IMMP2L: variants seen among roughly 807,000 people sequenced by gnomAD.
The protein encoded by IMMP2L is inner mitochondrial membrane peptidase subunit 2, also known as mitochondrial inner membrane protease subunit 2.
Under a neutral mutation model 19.3 loss-of-function variants are expected in IMMP2L, and 18 were observed. That is an observed-to-expected ratio of 0.93 (90% CI 0.64 to 1.38). The LOEUF (loss-of-function observed/expected upper bound fraction) is 1.38, where lower values mean the gene tolerates loss of function less well. IMMP2L is among the 40% of genes most tolerant of loss of function. The pLI is 0.00. For synonymous variants in IMMP2L, 76 were observed against 73.0 expected, an observed-to-expected ratio of 1.04 and a Z score of -0.21; for missense variants, 233 against 218.2, an observed-to-expected ratio of 1.07 and a Z score of -0.43.
chr7:111,032,846 G>T (rs1790966787), intron 3 of IMMP2L, among the ~76,000 whole-genome samples: 1 of 151,722 alleles, frequency 6.6e-6, no homozygotes, highest in Non-Finnish European at 1.5e-5. Flanking sequence ...TAGGCCGGGT[G>T]TGGTGGCTCA....
intron 3 of IMMP2L, among the ~76,000 whole-genome samples, chr7:110,981,568 G>T (rs1234376650): frequency 7.0e-6 from 1 of 142,732 alleles, no homozygotes; most frequent in Non-Finnish European, 1.5e-5. Context: ...CTTTTTATTT[G>T]AAAAAAAAAA....
chr7:110,913,956 G>A (rs1813321406), intron 4 of IMMP2L, among the ~76,000 whole-genome samples: 1 of 151,958 alleles, frequency 6.6e-6, no homozygotes, highest in Non-Finnish European at 1.5e-5. Flanking sequence ...GTGTTTTTTT[G>A]CTAATAATTT....
chr7:111,336,789 A>C (rs1333759998), intron 3 of IMMP2L, among the ~76,000 whole-genome samples: 1 of 151,668 alleles, frequency 6.6e-6, no homozygotes, highest in Non-Finnish European at 1.5e-5. Flanking sequence ...CCCAAAATGA[A>C]TTCATGTTTA....
chr7:111,300,921 G>C (rs1013761926), intron 3 of IMMP2L, among the ~76,000 whole-genome samples: 4 of 152,108 alleles, frequency 2.6e-5, no homozygotes, highest in African/African-American at 9.7e-5. Flanking sequence ...GTTTTTGTTG[G>C]AACATAAGTT....
intron 5 of IMMP2L, among the ~76,000 whole-genome samples, chr7:110,706,167 A>G (rs1794666774): frequency 1.3e-5 from 2 of 152,036 alleles, no homozygotes; most frequent in South Asian, 4.1e-4. Flanking sequence ...CAGTGGTGCA[A>G]TCCTGGCTCA....
At chr7:111,523,212 T>C (rs1563308790) in intron 1 of IMMP2L, among the ~76,000 whole-genome samples, 1 of 152,000 alleles carries the variant, frequency 6.6e-6, no homozygotes, top group African/African-American at 2.4e-5. Flanking sequence ...TATTGTTCAG[T>C]AAGGTGAGTA....
At chr7:111,522,435 C>T (rs112056757) in intron 1 of IMMP2L, among the ~76,000 whole-genome samples, 3,046 of 152,084 alleles carry the variant, frequency 0.02, 102 homozygotes, top group African/African-American at 0.069. Context: ...TATCCAAAAA[C>T]GCATAAGGAA....
intron 5 of IMMP2L, among the ~76,000 whole-genome samples, chr7:110,869,824 A>G (rs1390323866): frequency 2.0e-5 from 3 of 152,264 alleles, no homozygotes; most frequent in Middle Eastern, 3.4e-3. Flanking sequence ...CTTTGGCTCC[A>G]TCCTTCTTTC....
rs569290562 is a variant in IMMP2L at position 110,685,813 on chromosome 7, C to T, written c.409-22092G>A. ...AATCCTTTGGATTAAGGTAACATCCCTATGAGACCTTTGCCTCTGGTAGAG... is the reference window on the plus strand; with the variant it reads ...AATCCTTTGGATTAAGGTAACATCCTTATGAGACCTTTGCCTCTGGTAGAG... On this transcript the variant is annotated intron_variant, in intron 5 of 5. Transcript: ENST00000405709. 5.9e-5 allele frequency among the ~76,000 whole-genome samples: 9 copies of T among 152,140 alleles called. No individual in the cohort carries two copies. In the East Asian group the frequency reaches 1.4e-3, roughly 23 times the overall value.
rs546539720 is a variant in IMMP2L, at chr7:111,367,638, C to G, written c.239+119600G>C. The stretch of plus-strand genomic sequence containing the variant: ...CACAGTTACTTGAGCAATATATATC[C>G]TATTATTTTCCCTCTTTTCGCATGG... On this transcript the variant is annotated intron_variant, in intron 3 of 5. Coordinates refer to ENST00000405709, the MANE Select transcript of IMMP2L (RefSeq NM_032549.4). Among the ~76,000 whole-genome samples the G allele has an allele frequency of 1.7e-4, 26 of 151,904 alleles. No homozygotes were observed. In the South Asian group the frequency reaches 4.8e-3, roughly 28 times the overall value.
intron 5 of IMMP2L, among the ~76,000 whole-genome samples, chr7:110,776,201 TAATC>T (rs1488620140): frequency 6.6e-6 from 1 of 151,736 alleles, no homozygotes; most frequent in Non-Finnish European, 1.5e-5. Flanking sequence ...CAGAAGATCA[TAATC>T]AAGAGTCCAC....
At chr7:110,692,343 G>A (rs1403595625) in intron 5 of IMMP2L, among the ~76,000 whole-genome samples, 4 of 152,080 alleles carry the variant, frequency 2.6e-5, no homozygotes, top group Non-Finnish European at 4.4e-5. Context: ...AGACTCAGGA[G>A]GGGGAATAAA....
chr7:110,965,215 A>G (rs1819407579), intron 3 of IMMP2L, among the ~76,000 whole-genome samples: 2 of 152,050 alleles, frequency 1.3e-5, no homozygotes, highest in African/African-American at 4.8e-5. Flanking sequence ...TGATCATTTA[A>G]TATGTATTTC....
In IMMP2L at chr7:111,123,770, T is replaced by C. The variant is rs1241149336; in HGVS notation, c.240-160205A>G. On this transcript the variant is annotated intron_variant, in intron 3 of 5. Transcript: ENST00000405709. The surrounding 1 kb of genome is among the most constrained non-coding windows in gnomAD (Gnocchi z 6.4). ...ATTCACCCCAATGCATTTTTCAGAC[T>C]CCCCAAGCTGGAATCACTCATGCTG... 6.2e-7 allele frequency: 1 copy of C among 1,613,784 alleles called. No homozygotes were observed. Among genetic ancestry groups the C allele is most frequent in the African/African-American group, 1.3e-5 (1 of 74,866 alleles).
intron 3 of IMMP2L, among the ~76,000 whole-genome samples, chr7:111,384,638 T>A (rs1277311691): frequency 6.6e-6 from 1 of 152,118 alleles, no homozygotes; most frequent in Non-Finnish European, 1.5e-5. Context: ...AGCCAATCAC[T>A]GCTCCATTTG....
At chr7:111,518,946 C>T (rs555670548) in intron 2 of IMMP2L, among the ~76,000 whole-genome samples, 3 of 152,280 alleles carry the variant, frequency 2.0e-5, no homozygotes, top group South Asian at 4.1e-4. Flanking sequence ...CAAAGAGATG[C>T]TGTCATTTTC....
At position 111,261,686 on chromosome 7, in the gene IMMP2L, C is replaced by A. The variant is rs1023379450; in HGVS notation, c.239+225552G>T. On this transcript the variant is annotated intron_variant, in intron 3 of 5. Coordinates refer to ENST00000405709, the MANE Select transcript of IMMP2L (RefSeq NM_032549.4). Reference sequence around the variant, plus strand: ...GACTAAAGAAAATAAAGTGAAACATCAGGAAATCGTTTTAGGCTAAATCAT... The same window carrying A: ...GACTAAAGAAAATAAAGTGAAACATAAGGAAATCGTTTTAGGCTAAATCAT... 2.6e-5 allele frequency among the ~76,000 whole-genome samples: 4 copies of A among 152,058 alleles called. No homozygotes were observed. In the East Asian group the frequency reaches 7.7e-4, roughly 29 times the overall value.
At position 110,873,703 on chromosome 7, in the gene IMMP2L, G is replaced by A. The variant is rs558911375; in HGVS notation, c.408+12890C>T. Among the ~76,000 whole-genome samples the A allele has an allele frequency of 4.6e-5, 7 of 151,758 alleles. 1 individual carries two copies. The South Asian group carries it at 1.5e-3, about 32-fold the overall frequency. On this transcript the variant is annotated intron_variant, in intron 5 of 5. Coordinates refer to ENST00000405709, the MANE Select transcript of IMMP2L (RefSeq NM_032549.4). ...GAAGGAGAATCCCTTGAACCCAGGA[G>A]GCGGAGGTTGCAGTGAGCCAAGATG...
At chr7:111,130,812 G>A (rs1322737756) in intron 3 of IMMP2L, among the ~76,000 whole-genome samples, 1 of 152,002 alleles carries the variant, frequency 6.6e-6, no homozygotes, top group Non-Finnish European at 1.5e-5. Flanking sequence ...TCAGAACTGG[G>A]ATTAAGGTCA....
Sources: allele counts gnomAD v4.1 joint callset (sites outside exome capture counted in the v4.1 genomes callset), GRCh38; gene constraint gnomAD v4.1.1; non-coding constraint Gnocchi (gnomAD v3.1); transcripts MANE v1.5; gene names NCBI Gene and HGNC (gene_info 2026-07-23, HGNC 2026-07-21).